The following BIN1 variants were observed in gnomAD, a reference collection of about 807,000 sequenced individuals.
BIN1 encodes the protein myc box-dependent-interacting protein 1.
A neutral mutation model predicts 82.0 loss-of-function variants in BIN1; 53 were observed. That is an observed-to-expected ratio of 0.65 (90% CI 0.52 to 0.81). The LOEUF is 0.81. Among genes scored for constraint, BIN1 ranks in the 40% least tolerant of loss-of-function variants. The pLI, the probability that BIN1 is intolerant of heterozygous loss-of-function variation, is 0.00. For synonymous variants in BIN1, 302 were observed against 328.0 expected (o/e 0.92, Z 0.86); for missense variants, 642 against 784.4 (o/e 0.82, Z 2.17).
At chr2:127,053,305 G>C (rs915054371) in intron 14 of BIN1, 117 bp downstream of exon 14, 1 of 1,428,122 alleles carries the variant, frequency 7.0e-7, no homozygotes, top group Non-Finnish European at 9.7e-7. Flanking sequence ...TGTGTCCTGC[G>C]TGTGGGGGGT....
intron 7 of BIN1, 140 bp from the exon 8 acceptor site, chr2:127,064,158 G>A: frequency 1.1e-6 from 1 of 944,642 alleles, no homozygotes; most frequent in South Asian, 1.5e-5. Flanking sequence ...GGCTGAACTG[G>A]ATGTGGACAC....
intron 12 of BIN1, among the ~76,000 whole-genome samples, chr2:127,056,867 C>T (rs949393809): frequency 6.6e-6 from 1 of 152,244 alleles, no homozygotes; most frequent in African/African-American, 2.4e-5. Context: ...GGCACCTCCA[C>T]GGCTGAGCCA....
chr2:127,053,525 AC>A (rs1683240589), intron 13 of BIN1, 80 bp from the exon 14 acceptor site: 2 of 1,558,422 alleles, frequency 1.3e-6, no homozygotes. Context: ...CAGGGACCCT[AC>A]CCCCGCTCGC....
intron 8 of BIN1, 124 bp downstream of exon 8, chr2:127,063,809 G>GCACCGCAGCACGCAGACTGGA: frequency 4.2e-6 from 6 of 1,422,188 alleles, no homozygotes; most frequent in South Asian, 2.3e-5. Context: ...CACAGGCTGG[G>GCACCGCAGCACGCAGACTGGA]CACCGCAGCA....
At chr2:127,084,089 T>C (rs1240652204) in intron 1 of BIN1, among the ~76,000 whole-genome samples, 1 of 152,206 alleles carries the variant, frequency 6.6e-6, no homozygotes, top group Non-Finnish European at 1.5e-5. Flanking sequence ...TTCTTTGCTA[T>C]TCAGTGTGAG....
At chr2:127,053,584 A>G in intron 13 of BIN1, 139 bp from the exon 14 acceptor site, 1 of 1,159,672 alleles carries the variant, frequency 8.6e-7, no homozygotes, top group Non-Finnish European at 1.3e-6. Context: ...GGAGCCAGGT[A>G]GACTCCAAGA....
chr2:127,060,611 C>A, intron 10 of BIN1: 1 of 1,614,202 alleles, frequency 6.2e-7, no homozygotes, highest in Non-Finnish European at 8.5e-7. Flanking sequence ...CTTCTTTCTG[C>A]GCAGCCGCGA....
At chr2:127,102,503 T>G (rs1680480587) in intron 1 of BIN1, among the ~76,000 whole-genome samples, 1 of 152,128 alleles carries the variant, frequency 6.6e-6, no homozygotes, top group African/African-American at 2.4e-5. Context: ...TCCTCACACC[T>G]CTCTCCACAC....
At chr2:127,063,810 C>T (rs1441348795) in intron 8 of BIN1, 123 bp downstream of exon 8, 2 of 1,433,434 alleles carry the variant, frequency 1.4e-6, no homozygotes, top group African/African-American at 1.4e-5. Context: ...ACAGGCTGGG[C>T]ACCGCAGCAC....
chr2:127,097,184 A>T (rs1679710038), intron 1 of BIN1, among the ~76,000 whole-genome samples: 1 of 152,166 alleles, frequency 6.6e-6, no homozygotes, highest in Non-Finnish European at 1.5e-5. Context: ...TGGCCATCCC[A>T]GTCAACGGCC....
At chr2:127,081,963 C>T (rs970533039) in intron 1 of BIN1, 7 of 1,155,608 alleles carry the variant, frequency 6.1e-6, no homozygotes, top group African/African-American at 3.2e-5. Context: ...CCTCGTGCCC[C>T]GGCGTTCTCA....
intron 2 of BIN1, among the ~76,000 whole-genome samples, chr2:127,071,445 A>C (rs1273095854): frequency 5.9e-5 from 9 of 152,180 alleles, no homozygotes; most frequent in Admixed American, 3.3e-4. Flanking sequence ...TAGGATGTAG[A>C]GGGAAAAGGC....
chr2:127,062,326 G>T, intron 9 of BIN1, 129 bp from the exon 10 acceptor site: 2 of 933,028 alleles, frequency 2.1e-6, no homozygotes, highest in Non-Finnish European at 3.3e-6. Context: ...TTCCCCATCT[G>T]TGAGAGCAAG....
intron 1 of BIN1, among the ~76,000 whole-genome samples, chr2:127,099,850 C>T (rs1203610596): frequency 2.0e-5 from 3 of 151,382 alleles, no homozygotes; most frequent in African/African-American, 7.3e-5. Flanking sequence ...GTCGCCCAGG[C>T]CGGAGTGCAG....
At chr2:127,053,791 G>A (rs1380506860) in intron 13 of BIN1, 114 bp downstream of exon 13, 1 of 1,032,758 alleles carries the variant, frequency 9.7e-7, no homozygotes, top group South Asian at 1.4e-5. Flanking sequence ...GAGGTGCCAG[G>A]GGAAGGGCAG....
At chr2:127,049,420 C>T (rs1411438979) in intron 18 of BIN1, among the ~76,000 whole-genome samples, 1 of 152,146 alleles carries the variant, frequency 6.6e-6, no homozygotes, top group Non-Finnish European at 1.5e-5. Context: ...CCTCATCACT[C>T]AGGCCTCCTG....
chr2:127,106,804 G>A, intron 1 of BIN1, 56 bp downstream of exon 1: 2 of 1,547,110 alleles, frequency 1.3e-6, no homozygotes, highest in Admixed American at 1.9e-5. Flanking sequence ...GGGACAGGTG[G>A]CCGGGGCTCC....
At chr2:127,049,666 C>G (rs1396234667) in intron 18 of BIN1, among the ~76,000 whole-genome samples, 2 of 152,174 alleles carry the variant, frequency 1.3e-5, no homozygotes, top group Non-Finnish European at 2.9e-5. Flanking sequence ...GCCAGATGCC[C>G]ACATGGCACC....
At position 127,068,771 on chromosome 2, in the gene BIN1, C is replaced by A. The variant is rs1310564633; in HGVS notation, c.519+153G>T. Among the ~76,000 whole-genome samples the A allele has an allele frequency of 6.6e-6, 1 of 152,176 alleles. No individual in the cohort carries two copies. The highest frequency in any genetic ancestry group is 6.5e-5 in the Admixed American group (1 of 15,286). On this transcript the variant is annotated intron_variant, in intron 6 of 18. Coordinates refer to ENST00000316724, the MANE Select transcript of BIN1 (RefSeq NM_139343.3). The surrounding 1 kb of genome is among the most constrained non-coding windows in gnomAD (Gnocchi z 4.9). ...GACCTCACCCAGGCACCCACAAGGGCCTCTCACTCACCGGCCTGGGCCCTG... is the reference window on the plus strand; with the variant it reads ...GACCTCACCCAGGCACCCACAAGGGACTCTCACTCACCGGCCTGGGCCCTG...
Sources: gnomAD v4.1 joint callset for allele counts (sites outside exome capture counted in the v4.1 genomes callset) on GRCh38, gnomAD v4.1.1 for gene constraint, Gnocchi (gnomAD v3.1) non-coding constraint, MANE v1.5 for transcripts, NCBI Gene and HGNC (gene_info 2026-07-23, HGNC 2026-07-21) for gene names.